Variants in STPG2 observed in about 807,000 individuals in gnomAD.
STPG2 encodes sperm tail PG-rich repeat containing 2.
Under a neutral mutation model 54.2 loss-of-function variants are expected in STPG2, and 56 were observed. The observed-to-expected ratio is 1.03, with a 90% CI of 0.83 to 1.29. The LOEUF is 1.29. Among genes scored for constraint, STPG2 ranks in the 50% most tolerant of loss-of-function variants. The pLI is 0.00. For missense variants in STPG2, 596 were observed against 544.9 expected (o/e 1.09, Z -0.93); for synonymous variants, 200 against 181.8 (o/e 1.10, Z -0.81).
intron 8 of STPG2, among the ~76,000 whole-genome samples, chr4:97,849,677 T>C (rs1442673634): frequency 1.3e-5 from 2 of 152,016 alleles, no homozygotes; most frequent in Non-Finnish European, 2.9e-5. Context: ...AAAATGCTCA[T>C]CATCACTGGC....
chr4:97,502,429 C>A (rs1426583886), intron 4 of STPG2, among the ~76,000 whole-genome samples: 1 of 151,778 alleles, frequency 6.6e-6, no homozygotes, highest in Non-Finnish European at 1.5e-5. Context: ...ATGGGGAAAA[C>A]AATGTGTGAG....
intron 8 of STPG2, among the ~76,000 whole-genome samples, chr4:97,935,116 C>A (rs1416923168): frequency 6.6e-6 from 1 of 152,158 alleles, no homozygotes; most frequent in Non-Finnish European, 1.5e-5. Context: ...TCATCCATTT[C>A]TTCTAGATTT....
chr4:97,961,924 A>G (rs186041883), intron 7 of STPG2, among the ~76,000 whole-genome samples: 85 of 152,330 alleles, frequency 5.6e-4, no homozygotes, highest in Non-Finnish European at 1.1e-3. Flanking sequence ...TTATAGCAGC[A>G]TAATTCGCAA....
chr4:98,103,497 C>T (rs1378416079), intron 5 of STPG2, among the ~76,000 whole-genome samples: 1 of 151,654 alleles, frequency 6.6e-6, no homozygotes. Flanking sequence ...CAAAATTAGC[C>T]AGGCATGGTG....
intron 4 of STPG2, among the ~76,000 whole-genome samples, chr4:97,460,772 A>G (rs748582792): frequency 6.6e-6 from 1 of 152,088 alleles, no homozygotes; most frequent in Non-Finnish European, 1.5e-5. Context: ...TCCCATATGC[A>G]CTCCTGAGCC....
intron 4 of STPG2, among the ~76,000 whole-genome samples, chr4:97,480,206 T>A (rs747045700): frequency 6.6e-6 from 1 of 151,546 alleles, no homozygotes; most frequent in Non-Finnish European, 1.5e-5. Context: ...ATAGACAAAT[T>A]CCATGAAAGA....
rs535153583 is a variant in STPG2, at chr4:97,598,070, A to G, written c.1321-38953T>C. Reference sequence around the variant, plus strand: ...AGATACAAAAATAATGTACAAAATCAGTAGCATTCTCATACACCAACAACA... The same window carrying G: ...AGATACAAAAATAATGTACAAAATCGGTAGCATTCTCATACACCAACAACA... On this transcript the variant is annotated intron_variant, in intron 10 of 10. Transcript: ENST00000295268. Among the ~76,000 whole-genome samples, 3 of 152,290 alleles carry G rather than the reference A, an allele frequency of 2.0e-5. No individual in the cohort carries two copies. The East Asian group carries it at 5.8e-4, about 29-fold the overall frequency.
At chr4:97,505,859 AATT>A (rs1429897237) in intron 4 of STPG2, among the ~76,000 whole-genome samples, 3 of 151,566 alleles carry the variant, frequency 2.0e-5, no homozygotes, top group African/African-American at 7.3e-5. Context: ...TCAACTAATT[AATT>A]ATTATTTATT....
intron 8 of STPG2, among the ~76,000 whole-genome samples, chr4:97,849,996 C>G (rs12640871): frequency 6.6e-6 from 1 of 151,318 alleles, no homozygotes; most frequent in Non-Finnish European, 1.5e-5. Flanking sequence ...GCATTATTCA[C>G]GATAGCAAAG....
rs187386474 is a variant in STPG2, at chr4:97,794,065, C to A, written c.1204+46708G>T. On this transcript the variant is annotated intron_variant, in intron 9 of 10. Transcript: ENST00000295268. ...TTCATAGCAATATAAAATTTGAGCT[C>A]TTCTCTGTTATTGCTTTGTAATATA... 5.3e-5 allele frequency among the ~76,000 whole-genome samples: 8 copies of A among 152,106 alleles called. No homozygotes were observed. The South Asian group carries it at 1.5e-3, about 28-fold the overall frequency.
intron 2 of STPG2, among the ~76,000 whole-genome samples, chr4:98,130,403 C>T (rs1474804304): frequency 1.3e-5 from 2 of 152,098 alleles, no homozygotes; most frequent in African/African-American, 4.8e-5. Flanking sequence ...GTCTCAAACT[C>T]TTGGCCACAA....
intron 9 of STPG2, among the ~76,000 whole-genome samples, chr4:97,734,930 G>T (rs1560506766): frequency 2.0e-5 from 3 of 151,978 alleles, no homozygotes; most frequent in Non-Finnish European, 4.4e-5. Flanking sequence ...AAAATTAGCT[G>T]GGCATGGTGG....
chr4:97,647,605 T>G (rs1721946853), intron 10 of STPG2, among the ~76,000 whole-genome samples: 1 of 152,084 alleles, frequency 6.6e-6, no homozygotes, highest in East Asian at 1.9e-4. Flanking sequence ...CTATCTGCTT[T>G]CTTGGAGTCA....
intron 4 of STPG2, among the ~76,000 whole-genome samples, chr4:97,521,955 C>T (rs1249461558): frequency 1.3e-5 from 2 of 151,674 alleles, no homozygotes; most frequent in Admixed American, 6.6e-5. Context: ...TAAAAAAAAT[C>T]CAAGTATATC....
intron 8 of STPG2, among the ~76,000 whole-genome samples, chr4:97,882,534 T>C (rs1730416053): frequency 6.6e-6 from 1 of 152,190 alleles, no homozygotes; most frequent in Non-Finnish European, 1.5e-5. Context: ...CCCAAGGTCA[T>C]GGATCTGACT....
chr4:97,922,262 T>C (rs1732139866), intron 8 of STPG2, among the ~76,000 whole-genome samples: 1 of 151,592 alleles, frequency 6.6e-6, no homozygotes, highest in Non-Finnish European at 1.5e-5. Context: ...TTGTATGTCA[T>C]ATATATATAT....
intron 4 of STPG2, among the ~76,000 whole-genome samples, chr4:97,537,734 A>T (rs1239206989): frequency 2.0e-5 from 3 of 152,190 alleles, no homozygotes; most frequent in Admixed American, 2.0e-4. Flanking sequence ...CTGAGAATGG[A>T]CAGACTGCCT....
At chr4:97,852,891 A>T (rs1729208855) in intron 8 of STPG2, among the ~76,000 whole-genome samples, 1 of 151,014 alleles carries the variant, frequency 6.6e-6, no homozygotes, top group African/African-American at 2.4e-5. Context: ...TCTCAATAGA[A>T]AAAGGCAAAT....
intron 9 of STPG2, among the ~76,000 whole-genome samples, chr4:97,807,199 C>G (rs1313017048): frequency 6.6e-6 from 1 of 150,834 alleles, no homozygotes; most frequent in Non-Finnish European, 1.5e-5. Context: ...AGATTTTCAC[C>G]AATTTTGCTT....
Sources: allele counts gnomAD v4.1 joint callset (sites outside exome capture counted in the v4.1 genomes callset), GRCh38; gene constraint gnomAD v4.1.1; transcripts MANE v1.5; gene names NCBI Gene and HGNC (gene_info 2026-07-23, HGNC 2026-07-21).